DLL1: variants seen among roughly 807,000 people sequenced by gnomAD.
The protein encoded by DLL1 is delta like canonical Notch ligand 1, also known as delta-like protein 1.
A neutral mutation model predicts 75.1 loss-of-function variants in DLL1; 9 were observed. That is an observed-to-expected ratio of 0.12 (90% confidence interval 0.07 to 0.21). The LOEUF (loss-of-function observed/expected upper bound fraction) is 0.21, where lower values mean the gene tolerates loss of function less well. Among genes scored for constraint, DLL1 ranks in the 10% least tolerant of loss-of-function variants. The pLI, the probability that DLL1 is intolerant of heterozygous loss-of-function variation, is 1.00. For missense variants in DLL1, 837 were observed against 1,007.6 expected (o/e 0.83, Z 2.29); for synonymous variants, 477 against 418.3 (o/e 1.14, Z -1.71).
At position 170,283,226 on chromosome 6, in the gene DLL1, C is replaced by T. The variant is rs1783602531; in HGVS notation, c.2048+5G>A. On this transcript the variant is annotated splice_donor_5th_base_variant and intron_variant, in intron 9 of 10. Transcript: ENST00000366756. ...CCCTCCTGATGCCCGGCCCGCAGCA[C>T]GCACCCCCTGAGTGTGGTCGGGGTC... is the stretch of plus-strand genomic sequence containing the variant. The T allele has an allele frequency of 1.9e-6, 3 of 1,612,864 alleles. No homozygotes were observed. Among genetic ancestry groups the T allele is most frequent in the Non-Finnish European group, 2.5e-6 (3 of 1,179,858 alleles).
Position 170,282,547 on chromosome 6 carries a change from G to A in DLL1, c.*327C>T, listed in dbSNP as rs571501689. On this transcript the variant is annotated 3_prime_UTR_variant, in exon 11 of 11. Coordinates refer to ENST00000366756, the MANE Select transcript of DLL1 (RefSeq NM_005618.4). ...GTGTTTCTAATTCAAGAAAAGACTGGCTCATAAGAATCCAAAATATACACT... is the reference window on the plus strand; with the variant it reads ...GTGTTTCTAATTCAAGAAAAGACTGACTCATAAGAATCCAAAATATACACT... 18 of 513,166 alleles carry A rather than the reference G, an allele frequency of 3.5e-5. No homozygotes were observed. The highest frequency in any genetic ancestry group is 3.4e-4 in the African/African-American group (18 of 52,690). The allele number at this position is 513,166 out of a possible 1,614,324, so 31.8% of individuals were successfully genotyped here.
rs142138667 is a variant in DLL1 at position 170,285,100 on chromosome 6, G to C, written c.1068C>G (p.Pro356=). The change falls in exon 8 of 11, where the codon CCC becomes CCG. Residue 356 remains proline (P), a synonymous_variant. Coordinates refer to ENST00000366756, the MANE Select transcript of DLL1 (RefSeq NM_005618.4). The stretch of plus-strand genomic sequence containing the variant: ...ATTCACAGATTTTGCCGTAGAAGCC[G>C]GGTGGGCAGGTACAGGAGTAGCTGT... ...LENSYSCTCP[P]GFYGKICELS... 3 of 1,614,064 alleles carry C rather than the reference G, an allele frequency of 1.9e-6. No individual in the cohort carries two copies. In the South Asian group the frequency reaches 3.3e-5, roughly 18 times the overall value.
intron 2 of DLL1, 25 bp from the exon 3 acceptor site, chr6:170,288,814 A>AGAC: frequency 6.2e-7 from 1 of 1,613,814 alleles, no homozygotes; most frequent in Non-Finnish European, 8.5e-7. Flanking sequence ...AGAAGACGTT[A>AGAC]GACAACCCAG....
Position 170,289,677 on chromosome 6 carries a change from C to T in DLL1, c.186G>A (p.Val62=), listed in dbSNP as rs1354883280. ...CGCTGGCCTGGTAGTGCTTGAGGCA[C>T]ACGCGGAAGAAGGTCCGGCAGGCGC... ...PPCACRTFFR[V]CLKHYQASVS... The change falls in exon 2 of 11, where the codon GTG becomes GTA. Residue 62 remains valine, a synonymous_variant. Coordinates refer to ENST00000366756, the MANE Select transcript of DLL1 (RefSeq NM_005618.4). 1 of 1,545,346 alleles carries T rather than the reference C, an allele frequency of 6.5e-7. No individual in the cohort carries two copies. Among genetic ancestry groups the T allele is most frequent in the Admixed American group, 2.0e-5 (1 of 50,972 alleles).
Position 170,283,119 on chromosome 6 carries a change from A to G in DLL1, c.2049-14T>C. ...GATGCTTCTCCACTAAAAGGAAAAT[A>G]GAGAAAATCCACAATGAATGCATGA... On this transcript the variant is annotated splice_polypyrimidine_tract_variant and intron_variant, in intron 9 of 10. Transcript: ENST00000366756. 6.2e-7 allele frequency: 1 copy of G among 1,614,080 alleles called. No individual in the cohort carries two copies.
rs750797435 is a variant in DLL1 at position 170,282,973 on chromosome 6, G to A, written c.2166+15C>T. Reference sequence around the variant, plus strand: ...CCATGCCGAGGAGGAGGGAGCGGCTGCTGCCTGCACTGACCTCAGTTGCTA... The same window carrying A: ...CCATGCCGAGGAGGAGGGAGCGGCTACTGCCTGCACTGACCTCAGTTGCTA... On this transcript the variant is annotated intron_variant, in intron 10 of 10. Coordinates refer to ENST00000366756, the MANE Select transcript of DLL1 (RefSeq NM_005618.4). 19 of 1,614,026 alleles carry A rather than the reference G, an allele frequency of 1.2e-5. No individual in the cohort carries two copies. The East Asian group carries it at 3.3e-4, about 28-fold the overall frequency.
chr6:170,289,153 C>G, intron 2 of DLL1: 1 of 590,072 alleles, frequency 1.7e-6, no homozygotes. Context: ...GGTCGCGCTG[C>G]GCGGGTAATC....
intron 4 of DLL1, among the ~76,000 whole-genome samples, chr6:170,287,310 C>G (rs1783725608): frequency 6.6e-6 from 1 of 152,176 alleles, no homozygotes; most frequent in Non-Finnish European, 1.5e-5. Flanking sequence ...CCCAGAGCCC[C>G]TCTCCAAGGT....
In DLL1 at chr6:170,288,772, A is replaced by C. The variant is rs747006314; in HGVS notation, c.369T>G (p.Ile123Met). 1 of 1,614,142 alleles carries C rather than the reference A, an allele frequency of 6.2e-7. No homozygotes were observed. Among genetic ancestry groups the C allele is most frequent in the South Asian group, 1.1e-5 (1 of 91,072 alleles). ...GAGAATCTGTGTGGAGAGCTTCAATAATCAGAGAGAAGGTGCCCTGGGAGA... is the reference window on the plus strand; with the variant it reads ...GAGAATCTGTGTGGAGAGCTTCAATCATCAGAGAGAAGGTGCCCTGGGAGA... Reference protein sequence around the residue: ...GFTWPGTFSLIIEALHTDSPD... With the variant: ...GFTWPGTFSLMIEALHTDSPD... The change falls in exon 3 of 11, where the codon ATT becomes ATG. Residue 123 changes from isoleucine (I) to methionine (M), a missense_variant. By Grantham distance (10) the Ile-to-Met change is conservative. Around this residue, in one of 2 missense-constraint regions of DLL1, gnomAD observed 304 missense variants for 461.9 expected, o/e 0.66. Transcript: ENST00000366756.
At position 170,290,951 on chromosome 6, in the gene DLL1, C is replaced by A; in HGVS notation, c.-812G>T. The A allele has an allele frequency of 1.4e-6, 1 of 700,364 alleles. No individual in the cohort carries two copies. Among genetic ancestry groups the A allele is most frequent in the Non-Finnish European group, 2.6e-6 (1 of 383,628 alleles). The allele number at this position is 700,364 out of a possible 1,614,324, so 43.4% of individuals were successfully genotyped here. A position where few individuals can be genotyped will look rare whatever the true frequency, so the allele number is the denominator to read the frequency against. The stretch of plus-strand genomic sequence containing the variant: ...TCTGGCTCTCGCCGGCGCCTGCCGC[C>A]CTTATATTCAGCCGGCCGCCCGCAT... On this transcript the variant is annotated 5_prime_UTR_variant, in exon 1 of 11. Transcript: ENST00000366756. This position sits in a 1 kb window ranked among gnomAD's most constrained non-coding sequence, Gnocchi z 4.7.
chr6:170,287,112 A>C lies in DLL1; in HGVS notation c.671-814T>G, dbSNP rs3800238. On this transcript the variant is annotated intron_variant, in intron 4 of 10. Coordinates refer to ENST00000366756, the MANE Select transcript of DLL1 (RefSeq NM_005618.4). ...GAAACTCATTAACAAGCAGCTCCAC[A>C]AGTTGTTTTTTGTTTTTTTGTTTTT... is the stretch of plus-strand genomic sequence containing the variant. 0.053 allele frequency among the ~76,000 whole-genome samples: 8,084 copies of C among 152,082 alleles called. 1,100 individuals carry two copies. The East Asian group carries it at 0.58, about 11-fold the overall frequency.
Position 170,289,601 on chromosome 6 carries a change from C to T in DLL1, c.262G>A (p.Gly88Ser). The change falls in exon 2 of 11, where the codon GGC becomes AGC. Residue 88 changes from glycine to serine, a missense_variant. By Grantham distance (56) the Gly-to-Ser change is moderately conservative. Transcript: ENST00000366756. ...TCGGGCAGACTGAAGGAGTCGACGC[C>T]CAGCACGGGGGTGACGGCGCTGCCG... ...TYGSAVTPVLGVDSFSLPDGG... is the reference protein window; with the variant it reads ...TYGSAVTPVLSVDSFSLPDGG... The T allele has an allele frequency of 6.5e-7, 1 of 1,536,290 alleles. No homozygotes were observed. Among genetic ancestry groups the T allele is most frequent in the Non-Finnish European group, 8.7e-7 (1 of 1,146,488 alleles).
intron 2 of DLL1, chr6:170,289,062 G>GAA (rs1258978846): frequency 5.1e-6 from 3 of 593,990 alleles, no homozygotes; most frequent in African/African-American, 3.7e-5. Context: ...GAGAGAGAGA[G>GAA]AATGCAGGCA....
chr6:170,282,671 G>T lies in DLL1; in HGVS notation c.*203C>A. ...ATAGTGCAACGGCGACGTCACGGAA[G>T]GCAGTGCCGCAGGCGGCCGGGCCGC... On this transcript the variant is annotated 3_prime_UTR_variant, in exon 11 of 11. Coordinates refer to ENST00000366756, the MANE Select transcript of DLL1 (RefSeq NM_005618.4). The T allele has an allele frequency of 1.4e-6, 1 of 737,358 alleles. No homozygotes were observed. Among genetic ancestry groups the T allele is most frequent in the Non-Finnish European group, 2.4e-6 (1 of 422,404 alleles). 45.7% of individuals were successfully genotyped at this position (737,358 alleles called of 1,614,324 possible). A position where few individuals can be genotyped will look rare whatever the true frequency, so the allele number is the denominator to read the frequency against.
chr6:170,282,905 A>C, intron 10 of DLL1, 26 bp from the exon 11 acceptor site: 1 of 1,614,186 alleles, frequency 6.2e-7, no homozygotes, highest in Non-Finnish European at 8.5e-7. Flanking sequence ...ACAAATGGGA[A>C]GTTAGCCTGA....
Position 170,289,536 on chromosome 6 carries a change from G to A in DLL1, c.327C>T (p.Arg109=). The change falls in exon 2 of 11, where the codon CGC becomes CGT. Residue 109 remains arginine, a synonymous_variant. Transcript: ENST00000366756. The stretch of plus-strand genomic sequence containing the variant: ...CCGGCCAGGTGAAGCCGAAGGGGAA[G>A]CGGATGGGGTTGCTGAACGCGGAGT... ...GADSAFSNPI[R]FPFGFTWPGT... The A allele has an allele frequency of 1.3e-6, 2 of 1,534,904 alleles. No homozygotes were observed. Among genetic ancestry groups the A allele is most frequent in the Non-Finnish European group, 1.7e-6 (2 of 1,146,368 alleles).
At chr6:170,288,066 C>A (rs560016318) in intron 4 of DLL1, 173 bp downstream of exon 4, 1 of 920,994 alleles carries the variant, frequency 1.1e-6, no homozygotes, top group Admixed American at 2.2e-5. Flanking sequence ...TGACCCCAAC[C>A]CCCCCACTGA....
chr6:170,289,092 C>G (rs908543064), intron 2 of DLL1: 12 of 583,376 alleles, frequency 2.1e-5, no homozygotes, highest in Admixed American at 1.8e-4. Context: ...GGAAGAGGCC[C>G]GAGGGCCCTT....
Position 170,285,595 on chromosome 6 carries a change from C to A in DLL1, c.836G>T (p.Gly279Val). 1 of 1,614,144 alleles carries A rather than the reference C, an allele frequency of 6.2e-7. No individual in the cohort carries two copies. The highest frequency in any genetic ancestry group is 8.5e-7 in the Non-Finnish European group (1 of 1,180,050). ...QQPWQCNCQE[G>V]WGGLFCNQDL... The stretch of plus-strand genomic sequence containing the variant: ...CTGGTTGCAGAAAAGGCCCCCCCAG[C>A]CTTCCTGGCAGTTGCACTGCCAGGG... The change falls in exon 6 of 11, where the codon GGC becomes GTC. Residue 279 changes from glycine (G) to valine (V), a missense_variant. This residue lies in a region of DLL1 where 304 missense variants were observed against 461.9 expected (regional missense o/e 0.66). Transcript: ENST00000366756.
Sources: gnomAD v4.1 joint callset for allele counts (sites outside exome capture counted in the v4.1 genomes callset) on GRCh38, gnomAD v4.1.1 for gene constraint, gnomAD v4.1.1 regional missense constraint, Gnocchi (gnomAD v3.1) non-coding constraint, MANE v1.5 for transcripts, NCBI Gene and HGNC (gene_info 2026-07-23, HGNC 2026-07-21) for gene names.